Variants in ZNF212 observed in about 807,000 individuals in gnomAD.
ZNF212 encodes Zinc finger protein C2H2-150.
ZNF212 carries 32 observed loss-of-function variants against 47.3 expected under a neutral mutation model. That is an observed-to-expected ratio of 0.68 (90% CI 0.51 to 0.91). The LOEUF is 0.91. Ranked by LOEUF, ZNF212 falls within the 40% of genes least tolerant of loss-of-function variation. ZNF212 has a pLI of 0.00. For synonymous variants in ZNF212, 242 were observed against 253.8 expected (o/e 0.95, Z 0.44); for missense variants, 555 against 622.8 (o/e 0.89, Z 1.16).
intron 1 of ZNF212, chr7:149,240,087 T>C: frequency 2.6e-6 from 1 of 379,416 alleles, no homozygotes; most frequent in Non-Finnish European, 4.7e-6. Context: ...GCCCACACAT[T>C]TTCTCTTTCG....
In ZNF212 at chr7:149,240,681, A is replaced by G. The variant is rs182234387; in HGVS notation, c.24+879A>G. Among the ~76,000 whole-genome samples, 303 of 152,338 alleles carry G rather than the reference A, an allele frequency of 2.0e-3. 1 individual carries two copies. The highest frequency in any genetic ancestry group is 6.8e-3 in the African/African-American group (283 of 41,580). ...AAGTAGTGGTTAATTTAACAACACCAGAGGGTTTGCAACGGAAGGGGCAGC... is the reference window on the plus strand; with the variant it reads ...AAGTAGTGGTTAATTTAACAACACCGGAGGGTTTGCAACGGAAGGGGCAGC... On this transcript the variant is annotated intron_variant, in intron 1 of 4. Transcript: ENST00000335870.
rs1299744328 is a variant in ZNF212, at chr7:149,254,438, G to A, written c.*23G>A. 1 of 1,557,580 alleles carries A rather than the reference G, an allele frequency of 6.4e-7. No individual in the cohort carries two copies. Among genetic ancestry groups the A allele is most frequent in the South Asian group, 1.2e-5 (1 of 83,514 alleles). ...TAAGGGTGCAGCCCCTCGCCCGTCT[G>A]GGGGATGGAGGGGGGTGGCATTGGT... On this transcript the variant is annotated 3_prime_UTR_variant, in exon 5 of 5. Transcript: ENST00000335870. The surrounding 1 kb of genome is among the most constrained non-coding windows in gnomAD (Gnocchi z 4.5).
At chr7:149,251,941 T>TAAAA (rs36067111) in intron 3 of ZNF212, among the ~76,000 whole-genome samples, 10,442 of 109,218 alleles carry the variant, frequency 0.096, 634 homozygotes, top group Non-Finnish European at 0.15. Flanking sequence ...CTCTGTTGCT[T>TAAAA]AAAAAAAAAA....
intron 3 of ZNF212, chr7:149,251,240 A>G (rs1444250440): frequency 4.7e-6 from 1 of 211,452 alleles, no homozygotes; most frequent in Non-Finnish European, 9.4e-6. Flanking sequence ...GCTGGAGTGC[A>G]GTGGCACAAT....
chr7:149,241,258 C>A (rs1162548658), intron 1 of ZNF212, among the ~76,000 whole-genome samples: 3 of 152,000 alleles, frequency 2.0e-5, no homozygotes, highest in Non-Finnish European at 4.4e-5. Flanking sequence ...GTGGTGAAAC[C>A]CGGTCTCTAC....
chr7:149,252,911 G>A, intron 4 of ZNF212, 116 bp downstream of exon 4: 1 of 946,068 alleles, frequency 1.1e-6, no homozygotes, highest in South Asian at 1.5e-5. Flanking sequence ...GCATCTGCTT[G>A]TTCTGGACTC....
At chr7:149,244,755 G>C (rs917260844) in intron 1 of ZNF212, among the ~76,000 whole-genome samples, 2 of 152,204 alleles carry the variant, frequency 1.3e-5, no homozygotes, top group Non-Finnish European at 2.9e-5. Flanking sequence ...GGTTGATGCT[G>C]GTGTGTAGAC....
chr7:149,243,277 C>A (rs1183049796), intron 1 of ZNF212, among the ~76,000 whole-genome samples: 1 of 151,738 alleles, frequency 6.6e-6, no homozygotes, highest in Non-Finnish European at 1.5e-5. Flanking sequence ...CCTGTAGTCC[C>A]AGCTTCTTGG....
rs751166372 is a variant in ZNF212 at position 149,253,932 on chromosome 7, G to T, written c.1005G>T (p.Leu335=). The T allele has an allele frequency of 6.2e-7, 1 of 1,613,924 alleles. No homozygotes were observed. The highest frequency in any genetic ancestry group is 8.5e-7 in the Non-Finnish European group (1 of 1,179,990). The change falls in exon 5 of 5, where the codon CTG becomes CTT. Residue 335 remains leucine, a synonymous_variant. Coordinates refer to ENST00000335870, the MANE Select transcript of ZNF212 (RefSeq NM_012256.4). ...ATAAGCAGCAGCTGGCCACACATCTGCGCAGCCACTCTGGGTGGGGGTCTT... is the reference window on the plus strand; with the variant it reads ...ATAAGCAGCAGCTGGCCACACATCTTCGCAGCCACTCTGGGTGGGGGTCTT... ...FRYKQQLATH[L]RSHSGWGSCT...
rs1419618308 is a variant in ZNF212 at position 149,239,657 on chromosome 7, C to T, written c.-122C>T. The T allele has an allele frequency of 1.1e-5, 9 of 809,606 alleles. No homozygotes were observed. The East Asian group carries it at 2.6e-4, about 23-fold the overall frequency. 50.2% of individuals were successfully genotyped at this position (809,606 alleles called of 1,614,324 possible). On this transcript the variant is annotated 5_prime_UTR_variant, in exon 1 of 5. Transcript: ENST00000335870. The stretch of plus-strand genomic sequence containing the variant: ...CGGGGAGGTCGCTGCTCCCAGAATG[C>T]ACCTGGCATCAACACGGCGGCGGCG...
At chr7:149,240,980 A>G (rs991032067) in intron 1 of ZNF212, among the ~76,000 whole-genome samples, 15 of 152,104 alleles carry the variant, frequency 9.9e-5, no homozygotes, top group African/African-American at 3.6e-4. Flanking sequence ...ACCTCATCTG[A>G]CTCCTATAAG....
Position 149,250,489 on chromosome 7 carries a change from C to T in ZNF212, c.355C>T (p.Arg119Cys), listed in dbSNP as rs200066889. 51 of 1,614,008 alleles carry T rather than the reference C, an allele frequency of 3.2e-5. No individual in the cohort carries two copies. In the East Asian group the frequency reaches 3.3e-4, roughly 11 times the overall value. The change falls in exon 2 of 5, where the codon CGC (arginine) becomes TGC (cysteine). Residue 119 changes from arginine (R) to cysteine (C), a missense_variant. Transcript: ENST00000335870. The stretch of plus-strand genomic sequence containing the variant: ...GCTGGAGAACGTGGAGAACCTGCTG[C>T]GCAACAGGAACTTCTGGATCCTGCG... ...RRLENVENLL[R>C]NRNFWILRLP...
At chr7:149,250,660 G>A (rs1796740534) in intron 2 of ZNF212, 21 bp from the exon 3 acceptor site, 2 of 1,614,160 alleles carry the variant, frequency 1.2e-6, no homozygotes, top group East Asian at 4.5e-5. Flanking sequence ...AGCACTCATG[G>A]TGTGCCATTG....
Position 149,253,540 on chromosome 7 carries a change from GTCT to G in ZNF212, c.632-13_632-11del, listed in dbSNP as rs1796788474. 1.1e-5 allele frequency: 18 copies of G among 1,578,464 alleles called. No homozygotes were observed. The highest frequency in any genetic ancestry group is 4.5e-5 in the East Asian group (2 of 44,228). On this transcript the variant is annotated splice_polypyrimidine_tract_variant and intron_variant, in intron 4 of 4. Transcript: ENST00000335870. ...TACTAGAATGTGATCTTTTTTGTTG[GTCT>G]TCTTCCACTTTGCAGCAGGTGGGGT...
At chr7:149,249,699 C>A (rs1206227581) in intron 1 of ZNF212, among the ~76,000 whole-genome samples, 1 of 152,202 alleles carries the variant, frequency 6.6e-6, no homozygotes, top group Non-Finnish European at 1.5e-5. Flanking sequence ...ACGATCTTGG[C>A]TCACTGTAGC....
intron 4 of ZNF212, 73 bp from the exon 5 acceptor site, chr7:149,253,486 T>A: frequency 6.6e-7 from 1 of 1,509,254 alleles, no homozygotes; most frequent in Non-Finnish European, 8.8e-7. Context: ...AATTCACAGA[T>A]GTTTGTTTGG....
intron 1 of ZNF212, among the ~76,000 whole-genome samples, chr7:149,244,740 CTA>C (rs1274545934): frequency 6.6e-6 from 1 of 152,150 alleles, no homozygotes; most frequent in Non-Finnish European, 1.5e-5. Flanking sequence ...ATTCCCATGT[CTA>C]TTGGTTGATG....
At chr7:149,244,371 G>A (rs1796645251) in intron 1 of ZNF212, among the ~76,000 whole-genome samples, 1 of 152,066 alleles carries the variant, frequency 6.6e-6, no homozygotes, top group Non-Finnish European at 1.5e-5. Context: ...GGAGTGCAGT[G>A]GTGCGATCTC....
rs1452359624 is a variant in ZNF212, at chr7:149,255,543, A to G, written c.*1128A>G. 6.5e-6 allele frequency: 1 copy of G among 153,610 alleles called. No individual in the cohort carries two copies. The highest frequency in any genetic ancestry group is 1.5e-5 in the Non-Finnish European group (1 of 68,022). The allele number at this position is 153,610 out of a possible 1,614,324, so 9.5% of individuals were successfully genotyped here. A position where few individuals can be genotyped will look rare whatever the true frequency, so the allele number is the denominator to read the frequency against. On this transcript the variant is annotated 3_prime_UTR_variant, in exon 5 of 5. Coordinates refer to ENST00000335870, the MANE Select transcript of ZNF212 (RefSeq NM_012256.4). ...GTGGGCTCTGGGGTCATATGTGAAC[A>G]TCCCCTTGGATGATTTGCGGTTGCT...
Sources: allele counts gnomAD v4.1 joint callset (sites outside exome capture counted in the v4.1 genomes callset), GRCh38; gene constraint gnomAD v4.1.1; non-coding constraint Gnocchi (gnomAD v3.1); transcripts MANE v1.5; gene names NCBI Gene and HGNC (gene_info 2026-07-23, HGNC 2026-07-21).